CSMD1: variants seen among roughly 807,000 people sequenced by gnomAD.
CSMD1 encodes the protein CUB and Sushi multiple domains 1.
In CSMD1, 213 loss-of-function variants were observed where a neutral mutation model predicts 417.5. That is an observed-to-expected ratio of 0.51 (90% CI 0.46 to 0.57). CSMD1 has a LOEUF of 0.57. Ranked by LOEUF, CSMD1 falls within the 20% of genes least tolerant of loss-of-function variation. The pLI, the probability that CSMD1 is intolerant of heterozygous loss-of-function variation, is 0.00. For missense variants in CSMD1, 6,923 were observed against 4,529.7 expected (o/e 1.53, Z -15.17); for synonymous variants, 2,862 against 1,736.8 (o/e 1.65, Z -16.11).
chr8:3,967,002 T>G (rs138269284), intron 5 of CSMD1, among the ~76,000 whole-genome samples: 2 of 152,096 alleles, frequency 1.3e-5, no homozygotes, highest in Non-Finnish European at 2.9e-5. Flanking sequence ...CACTGTAGAG[T>G]GTCAATTGGT....
intron 5 of CSMD1, among the ~76,000 whole-genome samples, chr8:3,849,817 G>A (rs753136368): frequency 8.8e-6 from 1 of 114,126 alleles, no homozygotes; most frequent in African/African-American, 4.5e-5. Context: ...ATCTTTTTTT[G>A]TTTGGTTTTT....
At chr8:3,518,463 T>C (rs189859316) in intron 10 of CSMD1, among the ~76,000 whole-genome samples, 1 of 152,264 alleles carries the variant, frequency 6.6e-6, no homozygotes, top group East Asian at 1.9e-4. Context: ...ATAGAAACAA[T>C]ATTGCTTTTG....
intron 2 of CSMD1, among the ~76,000 whole-genome samples, chr8:4,507,492 G>C (rs552245992): frequency 7.6e-4 from 115 of 152,256 alleles, no homozygotes; most frequent in Non-Finnish European, 1.2e-3. Context: ...AAATACAAGA[G>C]TCTAACCCTC....
At chr8:3,922,791 A>C (rs1809367593) in intron 5 of CSMD1, among the ~76,000 whole-genome samples, 1 of 152,128 alleles carries the variant, frequency 6.6e-6, no homozygotes, top group Non-Finnish European at 1.5e-5. Context: ...TGTACTTTTA[A>C]AACTTTTTAA....
At chr8:4,459,226 G>A (rs982243133) in intron 2 of CSMD1, among the ~76,000 whole-genome samples, 2 of 152,192 alleles carry the variant, frequency 1.3e-5, no homozygotes, top group African/African-American at 2.4e-5. Flanking sequence ...CTATGTAGGA[G>A]GTATGGGAGG....
At position 2,949,412 on chromosome 8, in the gene CSMD1, G is replaced by GAA. The variant is rs746191318; in HGVS notation, c.10315-28_10315-27dup. On this transcript the variant is annotated intron_variant, in intron 67 of 69. Coordinates refer to ENST00000635120, the MANE Select transcript of CSMD1 (RefSeq NM_033225.6). Reference sequence around the variant, plus strand: ...CTGACACATAGGAAAGAAAAGAAAAGAAATAAAAAGGTATACGAAGGGATG... The same window carrying GAA: ...CTGACACATAGGAAAGAAAAGAAAAGAAAAATAAAAAGGTATACGAAGGGATG... 1.2e-4 allele frequency: 155 copies of GAA among 1,306,524 alleles called. 2 individuals are homozygous for GAA. In the South Asian group the frequency reaches 1.8e-3, roughly 15 times the overall value. The allele number at this position is 1,306,524 out of a possible 1,614,324, so 80.9% of individuals were successfully genotyped here.
chr8:3,707,152 G>T (rs1267002331), intron 7 of CSMD1, among the ~76,000 whole-genome samples: 2 of 152,158 alleles, frequency 1.3e-5, no homozygotes, highest in Non-Finnish European at 2.9e-5. Context: ...TGTCACACAA[G>T]CAATTGTCAG....
At chr8:3,926,872 C>T (rs1432139377) in intron 5 of CSMD1, among the ~76,000 whole-genome samples, 2 of 151,650 alleles carry the variant, frequency 1.3e-5, no homozygotes. Context: ...TGTGCCACGA[C>T]ACCCAGCTAA....
intron 1 of CSMD1, among the ~76,000 whole-genome samples, chr8:4,779,115 GT>G (rs1797022987): frequency 6.6e-6 from 1 of 152,064 alleles, no homozygotes; most frequent in African/African-American, 2.4e-5. Flanking sequence ...TGCTTTTATT[GT>G]TTAAAATTTT....
chr8:3,476,748 T>C (rs1005535591), intron 11 of CSMD1, among the ~76,000 whole-genome samples: 2 of 151,566 alleles, frequency 1.3e-5, no homozygotes, highest in African/African-American at 2.4e-5. Context: ...TCAAACTCCA[T>C]CTCTACTAAA....
At chr8:4,452,800 C>A (rs1006448524) in intron 2 of CSMD1, among the ~76,000 whole-genome samples, 1 of 151,926 alleles carries the variant, frequency 6.6e-6, no homozygotes, top group Non-Finnish European at 1.5e-5. Context: ...GGATTAATAA[C>A]AAAAATCCCC....
intron 1 of CSMD1, among the ~76,000 whole-genome samples, chr8:4,783,367 G>A (rs889420138): frequency 6.6e-6 from 1 of 152,188 alleles, no homozygotes; most frequent in Non-Finnish European, 1.5e-5. Context: ...GAGGCTGGGA[G>A]AGAGCTGTAC....
At chr8:4,258,832 G>T (rs1216193990) in intron 3 of CSMD1, among the ~76,000 whole-genome samples, 2 of 152,092 alleles carry the variant, frequency 1.3e-5, no homozygotes, top group African/African-American at 2.4e-5. Flanking sequence ...AAGATCAGGA[G>T]CCCCACTCCT....
intron 5 of CSMD1, among the ~76,000 whole-genome samples, chr8:3,883,440 A>G (rs1371948187): frequency 6.6e-6 from 1 of 152,094 alleles, no homozygotes; most frequent in Non-Finnish European, 1.5e-5. Flanking sequence ...ATGTTTGTGT[A>G]TATATGTATG....
chr8:4,178,677 A>C (rs1385398716), intron 3 of CSMD1, among the ~76,000 whole-genome samples: 1 of 152,186 alleles, frequency 6.6e-6, no homozygotes, highest in Non-Finnish European at 1.5e-5. Context: ...TTTATCTAGA[A>C]AACCCCACTG....
At chr8:3,085,299 T>C (rs991549683) in intron 49 of CSMD1, among the ~76,000 whole-genome samples, 18 of 152,182 alleles carry the variant, frequency 1.2e-4, no homozygotes, top group Admixed American at 5.9e-4. Flanking sequence ...CAAAACCATA[T>C]TGACTCCCAG....
intron 2 of CSMD1, among the ~76,000 whole-genome samples, chr8:4,512,648 G>A (rs1330197843): frequency 6.6e-6 from 1 of 151,914 alleles, no homozygotes; most frequent in Non-Finnish European, 1.5e-5. Context: ...TACCGGCAAT[G>A]AAATGGAATT....
intron 1 of CSMD1, among the ~76,000 whole-genome samples, chr8:4,913,349 C>A (rs1805830439): frequency 6.6e-6 from 1 of 152,146 alleles, no homozygotes; most frequent in Admixed American, 6.5e-5. Context: ...CACCTCTGTC[C>A]CTTAAAATGT....
At chr8:3,761,036 A>G (rs912045823) in intron 5 of CSMD1, among the ~76,000 whole-genome samples, 3 of 152,142 alleles carry the variant, frequency 2.0e-5, no homozygotes, top group African/African-American at 4.8e-5. Context: ...TGTTTTGTCA[A>G]AATTAAATAG....
Sources: gnomAD v4.1 joint callset for allele counts (sites outside exome capture counted in the v4.1 genomes callset) on GRCh38, gnomAD v4.1.1 for gene constraint, MANE v1.5 for transcripts, NCBI Gene and HGNC (gene_info 2026-07-23, HGNC 2026-07-21) for gene names.